Variants in BRF1 observed in about 807,000 individuals in gnomAD.
BRF1 encodes BRF1 general transcription factor IIIB subunit, also known as transcription factor IIIB 90 kDa subunit.
A neutral mutation model predicts 81.7 loss-of-function variants in BRF1; 59 were observed. That is an observed-to-expected ratio of 0.72 (90% CI 0.59 to 0.90). BRF1 has a LOEUF of 0.90. Ranked by LOEUF, BRF1 falls within the 40% of genes least tolerant of loss-of-function variation. The pLI is 0.00. For synonymous variants in BRF1, 491 were observed against 395.6 expected (o/e 1.24, Z -2.86); for missense variants, 1,050 against 936.3 (o/e 1.12, Z -1.58).
chr14:105,251,735 C>T (rs1043819339), intron 5 of BRF1, among the ~76,000 whole-genome samples: 2 of 151,900 alleles, frequency 1.3e-5, no homozygotes, highest in Non-Finnish European at 2.9e-5. Flanking sequence ...AAGAAAGGGG[C>T]CTCTAAGCGG....
At chr14:105,259,628 C>A (rs1454534585) in intron 3 of BRF1, among the ~76,000 whole-genome samples, 2 of 152,194 alleles carry the variant, frequency 1.3e-5, no homozygotes. Flanking sequence ...AAAACCATGT[C>A]CACCGGACAC....
At chr14:105,243,409 C>T (rs1160383100) in intron 5 of BRF1, among the ~76,000 whole-genome samples, 1 of 150,966 alleles carries the variant, frequency 6.6e-6, no homozygotes, top group African/African-American at 2.4e-5. Context: ...AAGATCATGC[C>T]ACTGCACTCC....
intron 1 of BRF1, among the ~76,000 whole-genome samples, chr14:105,288,094 A>G (rs998666631): frequency 6.6e-6 from 1 of 152,218 alleles, no homozygotes; most frequent in African/African-American, 2.4e-5. Context: ...GGTTGTCACA[A>G]CTGGGATCTA....
chr14:105,229,109 C>T (rs2018404), intron 6 of BRF1, among the ~76,000 whole-genome samples, 196 bp from the exon 7 acceptor site: 22,049 of 152,200 alleles, frequency 0.14, 2,485 homozygotes, highest in East Asian at 0.6. Flanking sequence ...TTGTGGGTGG[C>T]GGCTGCACCC....
intron 15 of BRF1, chr14:105,213,162 G>C (rs1400416074): frequency 2.0e-5 from 3 of 152,372 alleles, no homozygotes; most frequent in Non-Finnish European, 4.4e-5. Context: ...GCAGTGGAGT[G>C]GGGGCCTCTG....
chr14:105,288,578 C>T (rs1280847191), intron 1 of BRF1, among the ~76,000 whole-genome samples: 1 of 151,896 alleles, frequency 6.6e-6, no homozygotes, highest in Non-Finnish European at 1.5e-5. Context: ...TCGCCCAACC[C>T]AGGAGTTCAA....
At chr14:105,256,600 C>G (rs376932685) in intron 3 of BRF1, 51 bp from the exon 4 acceptor site, 2 of 1,602,328 alleles carry the variant, frequency 1.2e-6, no homozygotes, top group Non-Finnish European at 1.7e-6. Flanking sequence ...TCAGGTTACT[C>G]GCCCACCTTC....
chr14:105,211,773 G>T, intron 16 of BRF1: 1 of 428,172 alleles, frequency 2.3e-6, no homozygotes, highest in South Asian at 2.5e-5. Flanking sequence ...AAAGACCCCT[G>T]AGCCCTGGAG....
At chr14:105,257,116 C>A (rs776167109) in intron 3 of BRF1, among the ~76,000 whole-genome samples, 2 of 152,188 alleles carry the variant, frequency 1.3e-5, no homozygotes, top group Non-Finnish European at 2.9e-5. Flanking sequence ...GGACCCCGCA[C>A]AGGACCTGTC....
intron 2 of BRF1, among the ~76,000 whole-genome samples, chr14:105,283,481 A>G (rs1595462108): frequency 6.6e-6 from 1 of 152,170 alleles, no homozygotes; most frequent in Non-Finnish European, 1.5e-5. Context: ...AGCTTCCCCC[A>G]CACAGTGAGT....
intron 3 of BRF1, among the ~76,000 whole-genome samples, chr14:105,258,004 A>T (rs1392820222): frequency 6.6e-6 from 1 of 152,226 alleles, no homozygotes; most frequent in African/African-American, 2.4e-5. Flanking sequence ...GCACAGCCCC[A>T]AGAGTGAACC....
rs922405312 is a variant in BRF1 at position 105,222,066 on chromosome 14, C to G, written c.1049-152G>C. ...TCAGGTGCCAAAGAACGAGCCTCAG[C>G]CCACACCTCGCACTGCACGCGGAAG... is the stretch of plus-strand genomic sequence containing the variant. On this transcript the variant is annotated intron_variant, in intron 10 of 17. Coordinates refer to ENST00000547530, the MANE Select transcript of BRF1 (RefSeq NM_001519.4). 20 of 954,048 alleles carry G rather than the reference C, an allele frequency of 2.1e-5. No individual in the cohort carries two copies. In the African/African-American group the frequency reaches 2.7e-4, roughly 13 times the overall value. The allele number at this position is 954,048 out of a possible 1,614,324, so 59.1% of individuals were successfully genotyped here. A position where few individuals can be genotyped will look rare whatever the true frequency, so the allele number is the denominator to read the frequency against.
At chr14:105,217,476 C>T in intron 15 of BRF1, 68 bp downstream of exon 15, 1 of 1,574,046 alleles carries the variant, frequency 6.4e-7, no homozygotes, top group Admixed American at 1.7e-5. Flanking sequence ...GCTCCAGGAC[C>T]CGAAGCCATG....
intron 1 of BRF1, among the ~76,000 whole-genome samples, chr14:105,300,060 G>C (rs1415695982): frequency 1.3e-5 from 2 of 152,242 alleles, no homozygotes; most frequent in Admixed American, 1.3e-4. Flanking sequence ...CATCCGCCCG[G>C]TAACCACCAA....
intron 11 of BRF1, 98 bp from the exon 12 acceptor site, chr14:105,220,228 A>G: frequency 7.1e-7 from 1 of 1,406,762 alleles, no homozygotes; most frequent in Non-Finnish European, 9.9e-7. Context: ...GTCTGGGCTA[A>G]GGGCTTTCTA....
In BRF1 at chr14:105,221,722, G is replaced by C. The variant is rs771169144; in HGVS notation, c.1241C>G (p.Pro414Arg). 4.3e-6 allele frequency: 7 copies of C among 1,609,944 alleles called. No individual in the cohort carries two copies. The highest frequency in any genetic ancestry group is 2.2e-5 in the East Asian group (1 of 44,872). ...GCCCAGGCTGGCTGCAGTGGGGAGGGGGTCCAGCAGGGACCCCAGGGCCGG... is the reference window on the plus strand; with the variant it reads ...GCCCAGGCTGGCTGCAGTGGGGAGGCGGTCCAGCAGGGACCCCAGGGCCGG... ...RPPALGSLLD[P>R]LPTAASLGIS... is the part of the protein sequence containing the mutation. Residue 414 changes from proline (P) to arginine (R), a missense_variant, in exon 11 of 18, where the codon CCC becomes CGC. Pro to Arg is a moderately radical substitution (Grantham distance 103). Around this residue, in one of 2 missense-constraint regions of BRF1, gnomAD observed 1,043 missense variants for 915.4 expected, o/e 1.14. Transcript: ENST00000547530.
At chr14:105,241,028 G>C (rs930894168) in intron 6 of BRF1, among the ~76,000 whole-genome samples, 2 of 152,196 alleles carry the variant, frequency 1.3e-5, no homozygotes, top group Non-Finnish European at 2.9e-5. Flanking sequence ...GGTCAAGGCC[G>C]CTCTGCCCTG....
intron 2 of BRF1, among the ~76,000 whole-genome samples, chr14:105,283,750 G>A (rs1293651770): frequency 2.0e-5 from 3 of 152,166 alleles, no homozygotes; most frequent in African/African-American, 7.2e-5. Context: ...AAGATACCGC[G>A]AGTTTTTGGG....
At chr14:105,249,105 C>A in intron 5 of BRF1, 1 of 1,492,368 alleles carries the variant, frequency 6.7e-7, no homozygotes, top group Non-Finnish European at 8.9e-7. Context: ...TGCCCCGCGG[C>A]CCCCGCGCCC....
Sources: allele counts gnomAD v4.1 joint callset (sites outside exome capture counted in the v4.1 genomes callset), GRCh38; gene constraint gnomAD v4.1.1; regional missense constraint gnomAD v4.1.1; transcripts MANE v1.5; gene names NCBI Gene and HGNC (gene_info 2026-07-23, HGNC 2026-07-21).